SLC14A2: variants seen among roughly 807,000 people sequenced by gnomAD.
The protein encoded by SLC14A2 is urea transporter 2.
A neutral mutation model predicts 104.6 loss-of-function variants in SLC14A2; 91 were observed. The observed-to-expected ratio is 0.87, with a 90% confidence interval of 0.73 to 1.04. The LOEUF is 1.04. SLC14A2 is among the 50% of genes least tolerant of loss of function. The probability of loss-of-function intolerance (pLI) is 0.00; values close to 1 mark genes in which losing one functional copy is unlikely to be tolerated. For synonymous variants in SLC14A2, 476 were observed against 466.4 expected (o/e 1.02, Z -0.27); for missense variants, 1,189 against 1,156.0 (o/e 1.03, Z -0.41).
At chr18:45,542,951 T>C (rs972709971) in intron 2 of SLC14A2, among the ~76,000 whole-genome samples, 1 of 152,132 alleles carries the variant, frequency 6.6e-6, no homozygotes, top group Non-Finnish European at 1.5e-5. Flanking sequence ...TTATTTAATA[T>C]GCGTCTCTTT....
chr18:45,455,748 G>A (rs1012677101), intron 1 of SLC14A2, among the ~76,000 whole-genome samples: 3 of 152,082 alleles, frequency 2.0e-5, no homozygotes, highest in African/African-American at 7.2e-5. Flanking sequence ...AGTGTCTGTG[G>A]TCTCATGGAA....
chr18:45,290,242 T>A (rs1288637299), intron 1 of SLC14A2, among the ~76,000 whole-genome samples: 21 of 152,190 alleles, frequency 1.4e-4, no homozygotes, highest in Non-Finnish European at 4.4e-5. Context: ...AGGTAGTTTG[T>A]CAACACTTGC....
chr18:45,472,212 C>G (rs915909217), intron 1 of SLC14A2, among the ~76,000 whole-genome samples: 3 of 143,030 alleles, frequency 2.1e-5, no homozygotes, highest in African/African-American at 7.4e-5. Flanking sequence ...TGAACTCATT[C>G]TTTTTCATGC....
intron 8 of SLC14A2, among the ~76,000 whole-genome samples, chr18:45,642,807 C>T (rs1307749869): frequency 6.6e-6 from 1 of 152,248 alleles, no homozygotes; most frequent in Non-Finnish European, 1.5e-5. Flanking sequence ...CTCTTCGCTA[C>T]CATCAGCGTA....
At chr18:45,622,727 G>T (rs1280090572) in intron 1 of SLC14A2, among the ~76,000 whole-genome samples, 1 of 152,074 alleles carries the variant, frequency 6.6e-6, no homozygotes. Flanking sequence ...TGTCAAAGAG[G>T]GTGATCAACT....
At chr18:45,283,494 A>C (rs954787388) in intron 1 of SLC14A2, among the ~76,000 whole-genome samples, 4 of 151,494 alleles carry the variant, frequency 2.6e-5, no homozygotes, top group African/African-American at 9.8e-5. Flanking sequence ...AAGCTATTAA[A>C]AACTAATATA....
the SLC14A2 span, among the ~76,000 whole-genome samples, chr18:45,203,752 T>C: frequency 2.6e-5 from 4 of 152,348 alleles, no homozygotes; most frequent in Admixed American, 2.0e-4. Flanking sequence ...ATTTAGATTA[T>C]AGTGTTAAAA....
At chr18:45,229,048 A>G (rs1858570990) in intron 1 of SLC14A2, among the ~76,000 whole-genome samples, 1 of 152,172 alleles carries the variant, frequency 6.6e-6, no homozygotes, top group African/African-American at 2.4e-5. Context: ...TTTTAGAAAG[A>G]CTGTTTCGTT....
chr18:45,325,288 A>C (rs934712802), intron 1 of SLC14A2, among the ~76,000 whole-genome samples: 7 of 152,356 alleles, frequency 4.6e-5, no homozygotes, highest in African/African-American at 1.7e-4. Context: ...CAGGATACAC[A>C]GCTTCTGAGC....
At chr18:45,293,014 G>A (rs1263172444) in intron 1 of SLC14A2, among the ~76,000 whole-genome samples, 2 of 151,968 alleles carry the variant, frequency 1.3e-5, no homozygotes, top group Non-Finnish European at 2.9e-5. Context: ...AAAAAAAAGT[G>A]ACTCCGTCCA....
Position 45,496,382 on chromosome 18 carries a change from G to A in SLC14A2, c.-35+13060G>A, listed in dbSNP as rs8092457. ...GTTGCCAGAGGAGATTGACATTTGA[G>A]TCAGTGGACCGGGAGAGGAAGACCC... On this transcript the variant is annotated intron_variant, in intron 2 of 20. Transcript: ENST00000586448. Among the ~76,000 whole-genome samples, 419 of 152,314 alleles carry A rather than the reference G, an allele frequency of 2.8e-3. 3 individuals carry two copies. The highest frequency in any genetic ancestry group is 9.2e-3 in the African/African-American group (384 of 41,570).
intron 1 of SLC14A2, among the ~76,000 whole-genome samples, chr18:45,346,788 C>T (rs1293378294): frequency 1.3e-5 from 2 of 151,680 alleles, no homozygotes; most frequent in African/African-American, 4.8e-5. Context: ...ATGGTGAAAC[C>T]CCATCTTGAC....
chr18:45,591,321 A>G (rs560032569), intron 2 of SLC14A2, among the ~76,000 whole-genome samples: 2 of 152,020 alleles, frequency 1.3e-5, no homozygotes, highest in East Asian at 1.9e-4. Flanking sequence ...GGAGTCTGAG[A>G]TAACAATATT....
At chr18:45,349,135 A>G (rs2085477956) in intron 1 of SLC14A2, among the ~76,000 whole-genome samples, 2 of 152,254 alleles carry the variant, frequency 1.3e-5, no homozygotes, top group African/African-American at 4.8e-5. Flanking sequence ...TTTCTTGTTC[A>G]TAAAGGTGCT....
intron 19 of SLC14A2, among the ~76,000 whole-genome samples, chr18:45,679,651 G>A (rs901115702): frequency 2.0e-5 from 3 of 152,200 alleles, no homozygotes; most frequent in Non-Finnish European, 4.4e-5. Context: ...ACTTTGCATG[G>A]ACAACAAGAA....
chr18:45,546,807 T>G (rs545440220), intron 2 of SLC14A2, among the ~76,000 whole-genome samples: 118 of 152,320 alleles, frequency 7.7e-4, no homozygotes, highest in African/African-American at 2.6e-3. Flanking sequence ...CATTGCACAT[T>G]GCCAGGCAAA....
rs1168225104 is a variant in SLC14A2 at position 45,527,688 on chromosome 18, T to C, written c.-35+44366T>C. Among the ~76,000 whole-genome samples the C allele has an allele frequency of 3.3e-5, 5 of 152,332 alleles. No homozygotes were observed. The East Asian group carries it at 9.6e-4, about 29-fold the overall frequency. On this transcript the variant is annotated intron_variant, in intron 2 of 20. Coordinates refer to the SLC14A2 transcript ENST00000586448. ...CCATGTCCATTAGGCAAATCGTTTG[T>C]TCTAAGTCTATTTTTCTCAACTGTA...
rs72437878 is a variant in SLC14A2 at position 45,678,954 on chromosome 18, CTT to C, written c.2513-6_2513-5del. 2,255 of 1,424,602 alleles carry C rather than the reference CTT, an allele frequency of 1.6e-3. No homozygotes were observed. Among genetic ancestry groups the C allele is most frequent in the South Asian group, 3.3e-3 (251 of 75,986 alleles). The allele number at this position is 1,424,602 out of a possible 1,614,324, so 88.2% of individuals were successfully genotyped here. A position where few individuals can be genotyped will look rare whatever the true frequency, so the allele number is the denominator to read the frequency against. On this transcript the variant is annotated intron_variant, in intron 18 of 19. Transcript: ENST00000255226. ...TAAATAGTTACTGGTCTATTTCTTT[CTT>C]TTTTTTTTTTTTTTCTAGCACTGTT...
intron 1 of SLC14A2, among the ~76,000 whole-genome samples, chr18:45,344,113 G>A (rs897345900): frequency 2.0e-5 from 3 of 152,160 alleles, no homozygotes; most frequent in African/African-American, 7.2e-5. Flanking sequence ...CACAATCATT[G>A]TCATTATATT....
Sources: gnomAD v4.1 joint callset for allele counts (sites outside exome capture counted in the v4.1 genomes callset) on GRCh38, gnomAD v4.1.1 for gene constraint, MANE v1.5 for transcripts, NCBI Gene and HGNC (gene_info 2026-07-23, HGNC 2026-07-21) for gene names.